NAV3: variants seen among roughly 807,000 people sequenced by gnomAD.
NAV3 encodes the protein neuron navigator 3.
NAV3 carries 87 observed loss-of-function variants against 244.7 expected under a neutral mutation model. That is an observed-to-expected ratio of 0.36 (90% CI 0.30 to 0.42). The LOEUF (loss-of-function observed/expected upper bound fraction) is 0.42, where lower values mean the gene tolerates loss of function less well. Among genes scored for constraint, NAV3 ranks in the 20% least tolerant of loss-of-function variants. The pLI is 1.00. For missense variants in NAV3, 2,663 were observed against 2,893.3 expected (o/e 0.92, Z 1.83); for synonymous variants, 1,126 against 1,042.2 (o/e 1.08, Z -1.55).
At chr12:77,596,244 A>C (rs1318803906) in intron 2 of NAV3, among the ~76,000 whole-genome samples, 1 of 152,204 alleles carries the variant, frequency 6.6e-6, no homozygotes, top group Admixed American at 6.5e-5. Context: ...GAGGAGATAA[A>C]TGAGGCAATG....
intron 1 of NAV3, among the ~76,000 whole-genome samples, chr12:77,923,717 C>A (rs933500218): frequency 3.3e-5 from 5 of 152,078 alleles, no homozygotes; most frequent in Admixed American, 6.6e-5. Flanking sequence ...GCAGTGGAAA[C>A]TTGACCAACA....
chr12:77,697,481 A>T (rs1875360222), intron 2 of NAV3, among the ~76,000 whole-genome samples: 1 of 152,214 alleles, frequency 6.6e-6, no homozygotes, highest in Admixed American at 6.5e-5. Flanking sequence ...CTATAAAATG[A>T]GTATGTTAAT....
intron 2 of NAV3, among the ~76,000 whole-genome samples, chr12:77,790,762 A>G (rs1338657396): frequency 6.6e-6 from 1 of 152,208 alleles, no homozygotes; most frequent in Non-Finnish European, 1.5e-5. Context: ...CAGCAGGCCC[A>G]GTGACTCTCA....
At chr12:77,818,299 G>A (rs1024843460) in intron 2 of NAV3, among the ~76,000 whole-genome samples, 1 of 152,000 alleles carries the variant, frequency 6.6e-6, no homozygotes. Context: ...TATAGAAAGA[G>A]TTTGCAGAAA....
Position 78,094,296 on chromosome 12 carries a change from C to T in NAV3, c.2637-22476C>T, listed in dbSNP as rs563825671. Among the ~76,000 whole-genome samples, 109 of 152,238 alleles carry T rather than the reference C, an allele frequency of 7.2e-4. 2 individuals are homozygous for T. In the South Asian group the frequency reaches 0.011, roughly 15 times the overall value. On this transcript the variant is annotated intron_variant, in intron 12 of 39. Transcript: ENST00000397909. ...CTTGAGCCAGTTGAAATCAGCTTGT[C>T]TTTTATACCAAAAGACACCTAGAAA...
intron 2 of NAV3, among the ~76,000 whole-genome samples, chr12:77,686,435 T>A (rs1234985798): frequency 3.5e-5 from 5 of 144,906 alleles, no homozygotes; most frequent in East Asian, 2.0e-4. Context: ...TTTTTTTTTT[T>A]TTTTTTTTTT....
At chr12:77,894,844 G>A (rs2136810063) in intron 1 of NAV3, among the ~76,000 whole-genome samples, 1 of 152,306 alleles carries the variant, frequency 6.6e-6, no homozygotes, top group Non-Finnish European at 1.5e-5. Flanking sequence ...AAATAAGCCA[G>A]AAACCTGGAA....
intron 1 of NAV3, among the ~76,000 whole-genome samples, chr12:77,882,206 A>G (rs528235534): frequency 1.8e-4 from 27 of 152,196 alleles, no homozygotes; most frequent in Non-Finnish European, 3.5e-4. Context: ...CCAAAACAGC[A>G]TGATACTGGT....
At chr12:77,801,171 G>T (rs1195465327) in intron 2 of NAV3, among the ~76,000 whole-genome samples, 1 of 152,090 alleles carries the variant, frequency 6.6e-6, no homozygotes, top group Non-Finnish European at 1.5e-5. Flanking sequence ...GGTGGTGAGG[G>T]TTCAATGAAA....
chr12:78,089,479 C>A (rs577506850), intron 12 of NAV3, among the ~76,000 whole-genome samples: 1 of 152,170 alleles, frequency 6.6e-6, no homozygotes, highest in East Asian at 1.9e-4. Flanking sequence ...AATACTTAGG[C>A]TTATCAAAAA....
At chr12:77,666,497 G>GA (rs1009077447) in intron 2 of NAV3, among the ~76,000 whole-genome samples, 9 of 149,794 alleles carry the variant, frequency 6.0e-5, no homozygotes, top group African/African-American at 1.2e-4. Context: ...TTATCTATTA[G>GA]AAAAAAAAAG....
chr12:77,644,963 T>C (rs1236081837), intron 2 of NAV3, among the ~76,000 whole-genome samples: 1 of 152,162 alleles, frequency 6.6e-6, no homozygotes, highest in Non-Finnish European at 1.5e-5. Context: ...AAGTTCGTTA[T>C]GGCTTTACCC....
Position 77,964,800 on chromosome 12 carries a change from A to AT in NAV3, c.415-1429_415-1428insT, listed in dbSNP as rs1892365583. ...ACTTACTTTGAAGTTAATTAATATA[A>AT]ATTTTTTTTTCCTCAAAATAAATGA... On this transcript the variant is annotated intron_variant, in intron 3 of 39. Transcript: ENST00000397909. Among the ~76,000 whole-genome samples the AT allele has an allele frequency of 6.0e-5, 9 of 149,020 alleles. No individual in the cohort carries two copies. In the South Asian group the frequency reaches 8.6e-4, roughly 14 times the overall value.
intron 11 of NAV3, among the ~76,000 whole-genome samples, chr12:78,054,220 T>C (rs559563170): frequency 1.3e-5 from 2 of 152,266 alleles, no homozygotes; most frequent in South Asian, 4.1e-4. Context: ...ATAAGAAAAG[T>C]ACAAACATAG....
chr12:77,874,427 C>T (rs1290054075), intron 1 of NAV3, among the ~76,000 whole-genome samples: 1 of 151,882 alleles, frequency 6.6e-6, no homozygotes, highest in Non-Finnish European at 1.5e-5. Flanking sequence ...CCCAGGCTGG[C>T]TTGAACTTCT....
At chr12:78,122,559 C>A in intron 16 of NAV3, 131 bp downstream of exon 16, 2 of 1,138,016 alleles carry the variant, frequency 1.8e-6, no homozygotes, top group Non-Finnish European at 2.4e-6. Context: ...CTGATGAAAC[C>A]GGGCCTTTCA....
intron 2 of NAV3, among the ~76,000 whole-genome samples, chr12:77,787,847 T>TA (rs1447756742): frequency 6.6e-6 from 1 of 152,208 alleles, no homozygotes; most frequent in East Asian, 1.9e-4. Context: ...AATCTGTAAA[T>TA]ATGTACATTT....
intron 9 of NAV3, among the ~76,000 whole-genome samples, chr12:78,046,720 G>A (rs1881858903): frequency 6.6e-6 from 1 of 152,158 alleles, no homozygotes. Context: ...TATTTGGGGT[G>A]GAGAGTTCTG....
At chr12:78,036,730 A>G (rs1317787283) in intron 9 of NAV3, 14 of 590,224 alleles carry the variant, frequency 2.4e-5, no homozygotes, top group Non-Finnish European at 3.6e-5. Context: ...TATCTCTAGA[A>G]TCTTCTGTGA....
Sources: gnomAD v4.1 joint callset for allele counts (sites outside exome capture counted in the v4.1 genomes callset) on GRCh38, gnomAD v4.1.1 for gene constraint, MANE v1.5 for transcripts, NCBI Gene and HGNC (gene_info 2026-07-23, HGNC 2026-07-21) for gene names.